Variants in SF3B3 observed in about 807,000 individuals in gnomAD.
SF3B3 encodes SAP 130.
A neutral mutation model predicts 139.2 loss-of-function variants in SF3B3; 33 were observed. The observed-to-expected ratio is 0.24, with a 90% confidence interval of 0.18 to 0.32. SF3B3 has a LOEUF of 0.32. Ranked by LOEUF, SF3B3 falls within the 10% of genes least tolerant of loss-of-function variation. The pLI is 1.00. For missense variants in SF3B3, 818 were observed against 1,509.4 expected (o/e 0.54, Z 7.59); for synonymous variants, 596 against 563.6 (o/e 1.06, Z -0.81).
chr16:70,530,299 CCA>C (rs2050108846), intron 3 of SF3B3, among the ~76,000 whole-genome samples: 1 of 149,972 alleles, frequency 6.7e-6, no homozygotes, highest in Admixed American at 6.6e-5. Context: ...GTGCCCAGCT[CCA>C]CTATTGTCTA....
intron 4 of SF3B3, among the ~76,000 whole-genome samples, chr16:70,531,358 C>T (rs968994080): frequency 3.9e-5 from 6 of 152,200 alleles, no homozygotes; most frequent in Admixed American, 3.9e-4. Context: ...GGCTGGGGTG[C>T]AGTGGCACAA....
intron 3 of SF3B3, 30 bp downstream of exon 3, chr16:70,529,229 G>A (rs2050097229): frequency 1.3e-6 from 2 of 1,557,268 alleles, no homozygotes; most frequent in East Asian, 4.5e-5. Context: ...TGCTGTATAT[G>A]CCTAGTTTAG....
chr16:70,541,463 A>G (rs1273221952), intron 8 of SF3B3, among the ~76,000 whole-genome samples: 2 of 152,236 alleles, frequency 1.3e-5, no homozygotes, highest in African/African-American at 4.8e-5. Flanking sequence ...CTTGTGCTAT[A>G]AATAAAATAC....
chr16:70,548,362 C>T lies in SF3B3; in HGVS notation c.1330-8C>T. The T allele has an allele frequency of 6.2e-7, 1 of 1,613,488 alleles. No homozygotes were observed. The highest frequency in any genetic ancestry group is 8.5e-7 in the Non-Finnish European group (1 of 1,179,440). On this transcript the variant is annotated splice_region_variant and splice_polypyrimidine_tract_variant and intron_variant, in intron 10 of 25. Coordinates refer to ENST00000302516, the MANE Select transcript of SF3B3 (RefSeq NM_012426.5). ...ACTGGATCTGTGGCTTCCCTCTTCT[C>T]CTGTCAGGTGTCAGAAATGGCTGTT...
intron 10 of SF3B3, among the ~76,000 whole-genome samples, chr16:70,545,847 T>C (rs1271771129): frequency 1.3e-5 from 2 of 152,244 alleles, no homozygotes; most frequent in African/African-American, 4.8e-5. Context: ...AAGTGTTCGA[T>C]AAATGTTAGC....
At chr16:70,566,096 G>A (rs1401904514) in intron 20 of SF3B3, among the ~76,000 whole-genome samples, 3 of 149,244 alleles carry the variant, frequency 2.0e-5, no homozygotes, top group African/African-American at 7.5e-5. Flanking sequence ...TAGCCTGGGT[G>A]ACAAGAGTGA....
chr16:70,537,130 T>C (rs2151779710), intron 6 of SF3B3, among the ~76,000 whole-genome samples: 1 of 152,314 alleles, frequency 6.6e-6, no homozygotes, highest in East Asian at 1.9e-4. Context: ...TTATAGTCTG[T>C]CCCATAGTTT....
chr16:70,529,873 C>G (rs1384003143), intron 3 of SF3B3, among the ~76,000 whole-genome samples: 1 of 151,990 alleles, frequency 6.6e-6, no homozygotes, highest in Non-Finnish European at 1.5e-5. Flanking sequence ...TGGCTCACAC[C>G]TGTAATCCCA....
At position 70,560,604 on chromosome 16, in the gene SF3B3, G is replaced by A. The variant is rs777543724; in HGVS notation, c.2133+13G>A. 43 of 1,612,514 alleles carry A rather than the reference G, an allele frequency of 2.7e-5. No homozygotes were observed. Among genetic ancestry groups the A allele is most frequent in the Middle Eastern group, 3.3e-4 (2 of 6,048 alleles). ...AGGCCAGGAGGCAGTAAGTAATGAAGGTTGGGGACAGGCAACATCTTTGGG... is the reference window on the plus strand; with the variant it reads ...AGGCCAGGAGGCAGTAAGTAATGAAAGTTGGGGACAGGCAACATCTTTGGG... On this transcript the variant is annotated intron_variant, in intron 16 of 25. Transcript: ENST00000302516.
chr16:70,553,617 G>T (rs1251037654), intron 11 of SF3B3, among the ~76,000 whole-genome samples: 1 of 152,176 alleles, frequency 6.6e-6, no homozygotes, highest in African/African-American at 2.4e-5. Context: ...TACTGGATGG[G>T]GACACTTGCA....
intron 11 of SF3B3, 140 bp downstream of exon 11, chr16:70,548,582 T>G (rs2050290984): frequency 1.5e-6 from 1 of 685,344 alleles, no homozygotes; most frequent in Non-Finnish European, 2.5e-6. Context: ...AACACTGTTT[T>G]TGAGGCTCTT....
Position 70,574,262 on chromosome 16 carries a change from C to G in SF3B3, c.*2449C>G, listed in dbSNP as rs889223702. The G allele has an allele frequency of 6.6e-6, 1 of 152,152 alleles. No homozygotes were observed. The highest frequency in any genetic ancestry group is 1.5e-5 in the Non-Finnish European group (1 of 68,028). The allele number at this position is 152,152 out of a possible 1,614,324, so 9.4% of individuals were successfully genotyped here. ...GGAGTGCAGTGGAGTGATCATAGCT[C>G]ACTGAGGCTTGAACTCCTGGGCTCG... On this transcript the variant is annotated 3_prime_UTR_variant, in exon 26 of 26. Coordinates refer to ENST00000302516, the MANE Select transcript of SF3B3 (RefSeq NM_012426.5).
chr16:70,529,471 A>G, intron 3 of SF3B3: 3 of 468,704 alleles, frequency 6.4e-6, no homozygotes, highest in Non-Finnish European at 1.2e-5. Context: ...CAATGAAATG[A>G]TCTTATGTTA....
intron 8 of SF3B3, among the ~76,000 whole-genome samples, chr16:70,540,338 A>G (rs2151781733): frequency 6.6e-6 from 1 of 151,942 alleles, no homozygotes; most frequent in East Asian, 2.0e-4. Flanking sequence ...TTGGGACTAC[A>G]GGCGTGTGCC....
chr16:70,526,465 TATG>T, intron 1 of SF3B3, 119 bp from the exon 2 acceptor site: 1 of 560,570 alleles, frequency 1.8e-6, no homozygotes, highest in Non-Finnish European at 3.1e-6. Flanking sequence ...CCCGGTCACA[TATG>T]TTGTTTCTTA....
At chr16:70,543,623 G>A (rs541977915) in intron 9 of SF3B3, among the ~76,000 whole-genome samples, 6 of 152,140 alleles carry the variant, frequency 3.9e-5, no homozygotes, top group African/African-American at 7.2e-5. Flanking sequence ...CAGGAGAATC[G>A]CTTGAACCCA....
At position 70,567,433 on chromosome 16, in the gene SF3B3, C is replaced by T; in HGVS notation, c.2849C>T (p.Ala950Val). 6.2e-7 allele frequency: 1 copy of T among 1,613,986 alleles called. No homozygotes were observed. The highest frequency in any genetic ancestry group is 8.5e-7 in the Non-Finnish European group (1 of 1,179,956). Residue 950 changes from alanine (A) to valine (V), a missense_variant, in exon 21 of 26, where the codon GCT (alanine) becomes GTT (valine). This residue lies in a region of SF3B3 where 145 missense variants were observed against 153.6 expected (regional missense o/e 0.94). Transcript: ENST00000302516. ...LHKTPVEEVP[A>V]AIAPFQGRVL... ...TAGACTCCTGTGGAAGAGGTCCCTG[C>T]TGCTATTGCCCCATTCCAGGGGAGG...
intron 21 of SF3B3, 135 bp downstream of exon 21, chr16:70,567,671 A>G (rs1025471714): frequency 4.2e-5 from 47 of 1,106,182 alleles, no homozygotes; most frequent in Non-Finnish European, 5.9e-5. Context: ...CAGCTTCAGA[A>G]TTATGCCCTT....
At position 70,526,607 on chromosome 16, in the gene SF3B3, T is replaced by G. The variant is rs764185688; in HGVS notation, c.-50T>G. On this transcript the variant is annotated 5_prime_UTR_variant, in exon 2 of 26. Coordinates refer to ENST00000302516, the MANE Select transcript of SF3B3 (RefSeq NM_012426.5). Reference sequence around the variant, plus strand: ...CTTAGCTTTCTTGGACTCCGTACTGTTGGTGTAACCAAGGCCTGGAGGTCT... The same window carrying G: ...CTTAGCTTTCTTGGACTCCGTACTGGTGGTGTAACCAAGGCCTGGAGGTCT... 9 of 1,329,286 alleles carry G rather than the reference T, an allele frequency of 6.8e-6. No individual in the cohort carries two copies. The highest frequency in any genetic ancestry group is 9.7e-6 in the Non-Finnish European group (9 of 928,316). 82.3% of individuals were successfully genotyped at this position (1,329,286 alleles called of 1,614,324 possible). A position where few individuals can be genotyped will look rare whatever the true frequency, so the allele number is the denominator to read the frequency against.
Sources: gnomAD v4.1 joint callset for allele counts (sites outside exome capture counted in the v4.1 genomes callset) on GRCh38, gnomAD v4.1.1 for gene constraint, gnomAD v4.1.1 regional missense constraint, MANE v1.5 for transcripts, NCBI Gene and HGNC (gene_info 2026-07-23, HGNC 2026-07-21) for gene names.